KCNMB2: variants seen among roughly 807,000 people sequenced by gnomAD.
KCNMB2 encodes calcium-activated potassium channel subunit beta-2.
A neutral mutation model predicts 24.5 loss-of-function variants in KCNMB2; 9 were observed. The observed-to-expected ratio is 0.37, with a 90% CI of 0.22 to 0.64. The LOEUF (loss-of-function observed/expected upper bound fraction) is 0.64. KCNMB2 is among the 30% of genes least tolerant of loss of function. KCNMB2 has a pLI of 0.63. For missense variants in KCNMB2, 226 were observed against 284.3 expected (o/e 0.79, Z 1.47); for synonymous variants, 109 against 104.4 (o/e 1.04, Z -0.27).
chr3:178,784,923 A>G lies in KCNMB2; in HGVS notation c.-67-22420A>G, dbSNP rs140892120. On this transcript the variant is annotated intron_variant, in intron 1 of 4. Transcript: ENST00000452583. ...TATCCAAGAAAACCAAAAAGTATCC[A>G]CTCTTAATGTTGGCATCTGGCCCAG... Among the ~76,000 whole-genome samples, 1,306 of 149,496 alleles carry G rather than the reference A, an allele frequency of 8.7e-3. 21 individuals are homozygous for G. The highest frequency in any genetic ancestry group is 0.03 in the African/African-American group (1,225 of 40,768).
chr3:178,539,652 C>T (rs945038048), intron 1 of KCNMB2, among the ~76,000 whole-genome samples: 1 of 151,966 alleles, frequency 6.6e-6, no homozygotes, highest in Non-Finnish European at 1.5e-5. Flanking sequence ...TCAAGAAAAA[C>T]AGCATTATCC....
chr3:178,721,030 T>G (rs1025410505), intron 1 of KCNMB2, among the ~76,000 whole-genome samples: 2 of 152,100 alleles, frequency 1.3e-5, no homozygotes, highest in Admixed American at 6.6e-5. Flanking sequence ...TTTGGTGTTT[T>G]AGACATGAAG....
chr3:178,732,834 T>G (rs1723196470), intron 1 of KCNMB2, among the ~76,000 whole-genome samples: 4 of 152,206 alleles, frequency 2.6e-5, no homozygotes, highest in Non-Finnish European at 5.9e-5. Flanking sequence ...GGTTTAGTAC[T>G]CGCTGGCTCA....
At chr3:178,638,198 G>GA (rs909760299) in intron 1 of KCNMB2, among the ~76,000 whole-genome samples, 21 of 152,260 alleles carry the variant, frequency 1.4e-4, no homozygotes, top group African/African-American at 4.8e-4. Context: ...AAAGGACAGG[G>GA]AAAAGTCTAC....
intron 1 of KCNMB2, among the ~76,000 whole-genome samples, chr3:178,563,954 G>C (rs769129014): frequency 6.6e-6 from 1 of 152,148 alleles, no homozygotes; most frequent in Non-Finnish European, 1.5e-5. Context: ...ACAACAAGAA[G>C]ACTGAGAAGA....
At chr3:178,671,742 C>G (rs1270048346) in intron 1 of KCNMB2, among the ~76,000 whole-genome samples, 1 of 152,194 alleles carries the variant, frequency 6.6e-6, no homozygotes, top group Non-Finnish European at 1.5e-5. Context: ...AGCCTAAGAA[C>G]AGTTCCTTAA....
At chr3:178,767,893 T>G (rs1236012425) in intron 1 of KCNMB2, among the ~76,000 whole-genome samples, 1 of 152,160 alleles carries the variant, frequency 6.6e-6, no homozygotes, top group African/African-American at 2.4e-5. Flanking sequence ...ACACACACAC[T>G]CCATACTGGG....
intron 1 of KCNMB2, among the ~76,000 whole-genome samples, chr3:178,665,665 G>C (rs1720692649): frequency 6.6e-6 from 1 of 152,142 alleles, no homozygotes; most frequent in Non-Finnish European, 1.5e-5. Context: ...TATCCTCAGA[G>C]AATCTGTCAC....
At chr3:178,819,829 A>C (rs543049441) in intron 2 of KCNMB2, among the ~76,000 whole-genome samples, 1 of 152,344 alleles carries the variant, frequency 6.6e-6, no homozygotes, top group East Asian at 1.9e-4. Context: ...ACTAGTAAAA[A>C]TTGAAAGGTT....
In KCNMB2 at chr3:178,843,350, AT is replaced by A. The variant is rs765874378; in HGVS notation, c.*422del. 88 of 352,912 alleles carry A rather than the reference AT, an allele frequency of 2.5e-4. No individual in the cohort carries two copies. The highest frequency in any genetic ancestry group is 1.9e-3 in the Admixed American group (49 of 25,546). The allele number at this position is 352,912 out of a possible 1,614,324, so 21.9% of individuals were successfully genotyped here. ...GTTTACTAAAGCTACAGCCAAAAAT[AT>A]TTTTTTTTCTTATTCTAAACTGAGC... On this transcript the variant is annotated 3_prime_UTR_variant, in exon 5 of 5. Coordinates refer to ENST00000452583, the MANE Select transcript of KCNMB2 (RefSeq NM_181361.3).
intron 1 of KCNMB2, among the ~76,000 whole-genome samples, chr3:178,643,388 C>A (rs1053959985): frequency 1.3e-5 from 2 of 151,944 alleles, no homozygotes; most frequent in Non-Finnish European, 2.9e-5. Flanking sequence ...GTTGTATAGC[C>A]CTATATATAC....
intron 1 of KCNMB2, among the ~76,000 whole-genome samples, chr3:178,614,247 TTATATATATATATA>T (rs776751246): frequency 0.24 from 12,946 of 53,460 alleles, 1,697 homozygotes; most frequent in East Asian, 0.39. Context: ...TGGGCTAATT[TTATATATATATATA>T]TATATATATA....
intron 2 of KCNMB2, among the ~76,000 whole-genome samples, chr3:178,808,586 T>C (rs1439705430): frequency 1.1e-4 from 16 of 152,300 alleles, no homozygotes; most frequent in African/African-American, 3.6e-4. Flanking sequence ...TTTTAAAAAT[T>C]TCAAAAGCAA....
chr3:178,695,250 G>A (rs1559977502), intron 1 of KCNMB2, among the ~76,000 whole-genome samples: 1 of 152,194 alleles, frequency 6.6e-6, no homozygotes, highest in Non-Finnish European at 1.5e-5. Context: ...CACAGAGCAG[G>A]GGGGCCCTGG....
intron 1 of KCNMB2, among the ~76,000 whole-genome samples, chr3:178,655,593 A>T (rs1344441048): frequency 6.6e-6 from 1 of 152,202 alleles, no homozygotes; most frequent in African/African-American, 2.4e-5. Flanking sequence ...ATATTCTCCA[A>T]AAACGACAAA....
chr3:178,828,809 C>A (rs1456888948), intron 4 of KCNMB2, among the ~76,000 whole-genome samples: 1 of 152,068 alleles, frequency 6.6e-6, no homozygotes, highest in Non-Finnish European at 1.5e-5. Context: ...CCTTTCTGAT[C>A]CTCAGCTTCC....
In KCNMB2 at chr3:178,591,906, AT is replaced by A. The variant is rs543909607; in HGVS notation, c.-68+55204del. The stretch of plus-strand genomic sequence containing the variant: ...CTTCATTGAGAGCAGCTCTGCCTTT[AT>A]TTTTTTTTAGGGTTCTATATAAAAC... On this transcript the variant is annotated intron_variant, in intron 1 of 4. Transcript: ENST00000452583. 3.4e-4 allele frequency among the ~76,000 whole-genome samples: 52 copies of A among 150,888 alleles called. 1 individual carries two copies. The South Asian group carries it at 4.6e-3, about 13-fold the overall frequency.
chr3:178,672,074 C>G (rs567448663), intron 1 of KCNMB2, among the ~76,000 whole-genome samples: 1 of 152,136 alleles, frequency 6.6e-6, no homozygotes. Context: ...TCCTAACACC[C>G]TTTTTCTCTG....
intron 2 of KCNMB2, among the ~76,000 whole-genome samples, chr3:178,809,673 G>T (rs1714110369): frequency 6.6e-6 from 1 of 152,206 alleles, no homozygotes; most frequent in Non-Finnish European, 1.5e-5. Context: ...GTTGGATATT[G>T]CATATCAAAG....
Sources: allele counts gnomAD v4.1 joint callset (sites outside exome capture counted in the v4.1 genomes callset), GRCh38; gene constraint gnomAD v4.1.1; transcripts MANE v1.5; gene names NCBI Gene and HGNC (gene_info 2026-07-23, HGNC 2026-07-21).